ITFG1: variants seen among roughly 807,000 people sequenced by gnomAD.
ITFG1 encodes the protein T-cell immunomodulatory protein.
ITFG1 carries 34 observed loss-of-function variants against 81.8 expected under a neutral mutation model. The ratio of observed to expected loss-of-function variants is 0.42; its 90% confidence interval spans 0.32 to 0.55. The LOEUF (loss-of-function observed/expected upper bound fraction) is 0.55, where lower values mean the gene tolerates loss of function less well. ITFG1 is among the 20% of genes least tolerant of loss of function. ITFG1 has a pLI of 0.17. For synonymous variants in ITFG1, 285 were observed against 270.6 expected (o/e 1.05, Z -0.52); for missense variants, 672 against 755.4 (o/e 0.89, Z 1.29).
chr16:47,392,912 G>C (rs1316365973), intron 6 of ITFG1, among the ~76,000 whole-genome samples: 1 of 152,102 alleles, frequency 6.6e-6, no homozygotes, highest in Non-Finnish European at 1.5e-5. Context: ...ACAGGTTTTT[G>C]ATCAGAAAAG....
intron 8 of ITFG1, among the ~76,000 whole-genome samples, chr16:47,355,289 C>A (rs1968023037): frequency 6.6e-6 from 1 of 151,970 alleles, no homozygotes; most frequent in South Asian, 2.1e-4. Context: ...ATAAGCCAGA[C>A]CCAGAAAATA....
At chr16:47,317,043 C>G (rs1406758505) in intron 8 of ITFG1, among the ~76,000 whole-genome samples, 1 of 152,164 alleles carries the variant, frequency 6.6e-6, no homozygotes, top group Non-Finnish European at 1.5e-5. Flanking sequence ...GAAACTGCAA[C>G]AGATGGAATA....
At chr16:47,229,722 C>T (rs535062101) in intron 13 of ITFG1, among the ~76,000 whole-genome samples, 3 of 151,310 alleles carry the variant, frequency 2.0e-5, no homozygotes, top group South Asian at 2.1e-4. Context: ...AGCCAGGGAA[C>T]GTGGGAAGAG....
At chr16:47,222,188 A>G (rs1436995568) in intron 13 of ITFG1, among the ~76,000 whole-genome samples, 1 of 150,730 alleles carries the variant, frequency 6.6e-6, no homozygotes, top group Non-Finnish European at 1.5e-5. Flanking sequence ...TAGGGTGTCA[A>G]TTTTGGATCT....
intron 10 of ITFG1, among the ~76,000 whole-genome samples, chr16:47,279,540 T>A (rs1300447240): frequency 6.6e-6 from 1 of 152,224 alleles, no homozygotes; most frequent in East Asian, 1.9e-4. Flanking sequence ...ATTGTAGCTA[T>A]ATAGTAAAAT....
chr16:47,265,385 A>C (rs1358079480), intron 10 of ITFG1, among the ~76,000 whole-genome samples: 1 of 152,062 alleles, frequency 6.6e-6, no homozygotes, highest in African/African-American at 2.4e-5. Flanking sequence ...GGCAAACAGA[A>C]AAGTCTTTTT....
chr16:47,223,899 G>A (rs1596818030), intron 13 of ITFG1, among the ~76,000 whole-genome samples: 1 of 152,084 alleles, frequency 6.6e-6, no homozygotes, highest in Non-Finnish European at 1.5e-5. Context: ...AAAATGATGA[G>A]TTCATGTCCT....
chr16:47,169,351 A>T (rs1333651866), intron 14 of ITFG1, among the ~76,000 whole-genome samples: 1 of 151,832 alleles, frequency 6.6e-6, no homozygotes, highest in Non-Finnish European at 1.5e-5. Flanking sequence ...CATTTATTAG[A>T]TTTTCTTTAA....
intron 5 of ITFG1, among the ~76,000 whole-genome samples, chr16:47,432,056 G>A (rs1310495795): frequency 6.6e-6 from 1 of 152,166 alleles, no homozygotes; most frequent in East Asian, 1.9e-4. Context: ...CTTTGATGCT[G>A]TAAAGCTTCC....
In ITFG1 at chr16:47,306,832, C is replaced by G. The variant is rs1246940682; in HGVS notation, c.1070+4408G>C. ...GAAAGAGGCCGGGCGCGGTGGCTCA[C>G]GCCTGTAATCCCAGCACTTTGGGAG... On this transcript the variant is annotated intron_variant, in intron 10 of 17. Transcript: ENST00000320640. 2.0e-5 allele frequency among the ~76,000 whole-genome samples: 3 copies of G among 151,806 alleles called. No individual in the cohort carries two copies. The East Asian group carries it at 5.8e-4, about 29-fold the overall frequency.
intron 8 of ITFG1, among the ~76,000 whole-genome samples, chr16:47,353,149 T>A (rs1419955488): frequency 6.6e-6 from 1 of 151,994 alleles, no homozygotes; most frequent in Non-Finnish European, 1.5e-5. Flanking sequence ...AGATGGCACA[T>A]GTAGACATAT....
At chr16:47,230,750 T>C (rs1055818096) in intron 13 of ITFG1, among the ~76,000 whole-genome samples, 6 of 152,128 alleles carry the variant, frequency 3.9e-5, no homozygotes, top group Admixed American at 6.5e-5. Flanking sequence ...TGACAAATTG[T>C]TATTATTATT....
In ITFG1 at chr16:47,284,424, G is replaced by A. The variant is rs149895110; in HGVS notation, c.1071-23729C>T. ...TCATTATATAGTAGCCTTACAAAAC[G>A]CGTTCCTCACACTCACAAGTGTTTT... is the stretch of plus-strand genomic sequence containing the variant. On this transcript the variant is annotated intron_variant, in intron 10 of 17. Transcript: ENST00000320640. Among the ~76,000 whole-genome samples the A allele has an allele frequency of 3.1e-3, 466 of 152,166 alleles. 3 individuals carry two copies. Among genetic ancestry groups the A allele is most frequent in the African/African-American group, 0.011 (447 of 41,530 alleles).
chr16:47,343,154 A>G (rs150044439), intron 8 of ITFG1, among the ~76,000 whole-genome samples: 2 of 152,272 alleles, frequency 1.3e-5, no homozygotes, highest in African/African-American at 4.8e-5. Flanking sequence ...ACATAGACCA[A>G]TGGAATATAA....
chr16:47,375,926 T>A lies in ITFG1; in HGVS notation c.670A>T (p.Thr224Ser). ...EDFTADLFLTTLNATTSTFQF... is the reference protein window; with the variant it reads ...EDFTADLFLTSLNATTSTFQF... ...AAGGTACTAGTGGTGGCATTCAATG[T>A]CGTCAGGAATAAATCTAGAAGGAAA... The change falls in exon 7 of 18, where the codon ACA becomes TCA. Residue 224 changes from threonine (T) to serine (S), a missense_variant. Coordinates refer to ENST00000320640, the MANE Select transcript of ITFG1 (RefSeq NM_030790.5). The A allele has an allele frequency of 1.2e-6, 2 of 1,602,788 alleles. No individual in the cohort carries two copies. The highest frequency in any genetic ancestry group is 1.7e-6 in the Non-Finnish European group (2 of 1,170,602).
At chr16:47,390,977 G>A (rs974641789) in intron 6 of ITFG1, among the ~76,000 whole-genome samples, 1 of 151,986 alleles carries the variant, frequency 6.6e-6, no homozygotes, top group African/African-American at 2.4e-5. Flanking sequence ...TGAAGTTGAA[G>A]TGAAAAATAT....
At chr16:47,324,493 C>A (rs1967499562) in intron 8 of ITFG1, among the ~76,000 whole-genome samples, 1 of 152,166 alleles carries the variant, frequency 6.6e-6, no homozygotes, top group Admixed American at 6.5e-5. Flanking sequence ...ACAATATTAA[C>A]TTTAAATGTA....
chr16:47,230,139 G>C (rs146247378), intron 13 of ITFG1, among the ~76,000 whole-genome samples: 4 of 152,200 alleles, frequency 2.6e-5, no homozygotes, highest in African/African-American at 7.2e-5. Flanking sequence ...TTGTGGATAA[G>C]GGGGGACTAT....
intron 14 of ITFG1, among the ~76,000 whole-genome samples, chr16:47,178,326 T>G (rs1249741238): frequency 6.6e-6 from 1 of 152,196 alleles, no homozygotes; most frequent in East Asian, 1.9e-4. Flanking sequence ...AAATTATAAA[T>G]CCAAGACCTG....
Sources: gnomAD v4.1 joint callset for allele counts (sites outside exome capture counted in the v4.1 genomes callset) on GRCh38, gnomAD v4.1.1 for gene constraint, MANE v1.5 for transcripts, NCBI Gene and HGNC (gene_info 2026-07-23, HGNC 2026-07-21) for gene names.